The following NBAS variants were observed in gnomAD, a reference collection of about 807,000 sequenced individuals.
NBAS encodes the protein NBAS subunit of NRZ tethering complex.
In NBAS, 219 loss-of-function variants were observed where a neutral mutation model predicts 302.5. That is an observed-to-expected ratio of 0.72 (90% CI 0.65 to 0.81). NBAS has a LOEUF of 0.81. Ranked by LOEUF, NBAS falls within the 30% of genes least tolerant of loss-of-function variation. NBAS has a pLI of 0.00. For missense variants in NBAS, 2,932 were observed against 2,841.6 expected (o/e 1.03, Z -0.72); for synonymous variants, 1,118 against 1,021.6 (o/e 1.09, Z -1.80).
chr2:15,248,501 CA>C (rs1311378455), intron 44 of NBAS, among the ~76,000 whole-genome samples: 2 of 151,986 alleles, frequency 1.3e-5, no homozygotes, highest in Non-Finnish European at 2.9e-5. Context: ...AAAAACCCTT[CA>C]AAAAATCAAT....
At chr2:15,050,459 C>A in the NBAS span, among the ~76,000 whole-genome samples, 1 of 152,154 alleles carries the variant, frequency 6.6e-6, no homozygotes, top group Non-Finnish European at 1.5e-5. Flanking sequence ...AGCAAGGTCT[C>A]AGGCAGCATC....
At chr2:15,458,616 A>C (rs7605827) in intron 21 of NBAS, among the ~76,000 whole-genome samples, 23,453 of 152,160 alleles carry the variant, frequency 0.15, 3,191 homozygotes, top group African/African-American at 0.36. Context: ...CAGATGCCAG[A>C]GCTATGCTTC....
chr2:15,331,301 G>A (rs994630665), intron 35 of NBAS, among the ~76,000 whole-genome samples: 7 of 152,136 alleles, frequency 4.6e-5, no homozygotes, highest in African/African-American at 1.7e-4. Context: ...GGTACCTCCT[G>A]CCAATCTTGA....
At chr2:15,519,682 T>A (rs1044203606) in intron 9 of NBAS, among the ~76,000 whole-genome samples, 2 of 152,168 alleles carry the variant, frequency 1.3e-5, no homozygotes, top group Non-Finnish European at 2.9e-5. Context: ...TAGGTGCAAA[T>A]GACCTTCCTG....
rs536789407 is a variant in NBAS at position 15,402,222 on chromosome 2, T to A, written c.3017A>T (p.Asp1006Val). 13 of 1,613,680 alleles carry A rather than the reference T, an allele frequency of 8.1e-6. No homozygotes were observed. The highest frequency in any genetic ancestry group is 1.1e-5 in the Non-Finnish European group (13 of 1,179,710). ...LECIYTCERN[D>V]QLCLCYDLLE... is the part of the protein sequence containing the mutation. Reference sequence around the variant, plus strand: ...TAGGTCATAGCAAAGACAGAGTTGATCATTTCGTTCACAGGTATAGATGCA... The same window carrying A: ...TAGGTCATAGCAAAGACAGAGTTGAACATTTCGTTCACAGGTATAGATGCA... The change falls in exon 26 of 52, where the codon GAT (aspartate) becomes GTT (valine). Residue 1006 changes from aspartate (D) to valine (V), a missense_variant. Transcript: ENST00000281513.
the NBAS span, among the ~76,000 whole-genome samples, chr2:15,115,639 T>C: frequency 5.1e-3 from 773 of 152,274 alleles, 5 homozygotes; most frequent in African/African-American, 0.018. Flanking sequence ...TAGCTAGGAC[T>C]ACAGGTCCTA....
intron 9 of NBAS, among the ~76,000 whole-genome samples, chr2:15,516,571 A>G (rs1008468172): frequency 1.3e-5 from 2 of 152,098 alleles, no homozygotes; most frequent in Non-Finnish European, 2.9e-5. Context: ...AAAATACAAA[A>G]AATTATCCAG....
intron 38 of NBAS, among the ~76,000 whole-genome samples, chr2:15,325,005 C>G (rs1248345129): frequency 6.6e-6 from 1 of 152,154 alleles, no homozygotes; most frequent in African/African-American, 2.4e-5. Context: ...CAACATTTCT[C>G]CAAAAACAGC....
intron 48 of NBAS, among the ~76,000 whole-genome samples, chr2:15,213,588 T>C (rs1666520415): frequency 6.6e-6 from 1 of 152,204 alleles, no homozygotes; most frequent in South Asian, 2.1e-4. Context: ...GCCAAGAATA[T>C]AGGTTTTAGA....
chr2:15,267,140 ATATACT>A (rs1669114032), intron 44 of NBAS, among the ~76,000 whole-genome samples: 2 of 152,200 alleles, frequency 1.3e-5, no homozygotes, highest in African/African-American at 4.8e-5. Flanking sequence ...GCATTTATTA[ATATACT>A]TAAATAGTAT....
At chr2:14,833,511 C>G in the NBAS span, among the ~76,000 whole-genome samples, 1 of 151,882 alleles carries the variant, frequency 6.6e-6, no homozygotes, top group Non-Finnish European at 1.5e-5. Context: ...GTGACAGAGC[C>G]TGGTACATAC....
intron 48 of NBAS, among the ~76,000 whole-genome samples, chr2:15,205,367 A>AAAC (rs563478611): frequency 6.6e-6 from 1 of 152,114 alleles, no homozygotes; most frequent in Non-Finnish European, 1.5e-5. Flanking sequence ...AACACAAAAG[A>AAAC]AACAACAACA....
chr2:15,068,778 A>G, the NBAS span, among the ~76,000 whole-genome samples: 1 of 152,222 alleles, frequency 6.6e-6, no homozygotes, highest in South Asian at 2.1e-4. Context: ...AATTCTAAAC[A>G]CAATCTCTTT....
chr2:14,958,144 T>G, the NBAS span, among the ~76,000 whole-genome samples: 1 of 152,218 alleles, frequency 6.6e-6, no homozygotes, highest in Non-Finnish European at 1.5e-5. Context: ...TTTTCTCTTC[T>G]TGTGATTGCC....
chr2:14,828,430 G>C, the NBAS span, among the ~76,000 whole-genome samples: 31 of 152,146 alleles, frequency 2.0e-4, no homozygotes, highest in Non-Finnish European at 3.7e-4. Flanking sequence ...AAAGTCCCAT[G>C]AGTGACATGG....
the NBAS span, among the ~76,000 whole-genome samples, chr2:14,933,904 G>A: frequency 6.6e-6 from 1 of 152,140 alleles, no homozygotes; most frequent in Non-Finnish European, 1.5e-5. Context: ...ATATGCACAT[G>A]TATTCATGTG....
the NBAS span, among the ~76,000 whole-genome samples, chr2:15,071,921 A>C: frequency 1.3e-5 from 2 of 152,208 alleles, no homozygotes; most frequent in East Asian, 3.9e-4. Flanking sequence ...CATAATCAAG[A>C]AAAAAGTCAA....
chr2:15,024,340 G>A, the NBAS span, among the ~76,000 whole-genome samples: 1 of 151,958 alleles, frequency 6.6e-6, no homozygotes, highest in Admixed American at 6.5e-5. Context: ...GTATTACATG[G>A]TATATATGTA....
intron 44 of NBAS, among the ~76,000 whole-genome samples, chr2:15,269,134 A>T (rs1669204535): frequency 6.6e-6 from 1 of 152,190 alleles, no homozygotes; most frequent in Non-Finnish European, 1.5e-5. Context: ...CCCAGCAAAA[A>T]GACAGTGACA....
Sources: allele counts gnomAD v4.1 joint callset (sites outside exome capture counted in the v4.1 genomes callset), GRCh38; gene constraint gnomAD v4.1.1; transcripts MANE v1.5; gene names NCBI Gene and HGNC (gene_info 2026-07-23, HGNC 2026-07-21).